TENT2: variants seen among roughly 807,000 people sequenced by gnomAD.
The protein encoded by TENT2 is poly(A) RNA polymerase GLD2.
Under a neutral mutation model 72.2 loss-of-function variants are expected in TENT2, and 44 were observed. The ratio of observed to expected loss-of-function variants is 0.61; its 90% CI spans 0.48 to 0.78. TENT2 has a LOEUF of 0.78. TENT2 is among the 30% of genes least tolerant of loss of function. TENT2 has a pLI of 0.00. For synonymous variants in TENT2, 212 were observed against 192.5 expected, an observed-to-expected ratio of 1.10 and a Z score of -0.84; for missense variants, 541 against 569.6, an observed-to-expected ratio of 0.95 and a Z score of 0.51.
rs138145763 is a variant in TENT2 at position 79,627,335 on chromosome 5, A to G, written c.465+3846A>G. 6.6e-5 allele frequency among the ~76,000 whole-genome samples: 10 copies of G among 152,322 alleles called. No individual in the cohort carries two copies. The South Asian group carries it at 8.3e-4, about 13-fold the overall frequency. ...TTCAATTTCAGTAAATTTAATAACA[A>G]TTCATATTAGTGTCAGCATAAACCA... On this transcript the variant is annotated intron_variant, in intron 4 of 14. Coordinates refer to ENST00000453514, the MANE Select transcript of TENT2 (RefSeq NM_001114394.3).
chr5:79,660,233 A>G (rs1167896097), intron 11 of TENT2, among the ~76,000 whole-genome samples: 31 of 152,148 alleles, frequency 2.0e-4, no homozygotes, highest in Admixed American at 2.0e-3. Context: ...ATAGTATAGA[A>G]TTACTGCTTA....
chr5:79,657,375 C>G (rs899100328), intron 11 of TENT2, among the ~76,000 whole-genome samples: 1 of 151,904 alleles, frequency 6.6e-6, no homozygotes, highest in Admixed American at 6.6e-5. Flanking sequence ...ATTTTTTGGC[C>G]CAGTATATTT....
intron 8 of TENT2, among the ~76,000 whole-genome samples, chr5:79,647,013 T>C (rs10942897): frequency 0.44 from 67,083 of 151,910 alleles, 17,920 homozygotes; most frequent in African/African-American, 0.75. Context: ...AAGCAATCCT[T>C]CTACCTTAGC....
In TENT2 at chr5:79,648,664, A is replaced by G; in HGVS notation, c.869A>G (p.Asn290Ser). ...LNVNNIVGIRNTFLLRTYAYL... is the reference protein window; with the variant it reads ...LNVNNIVGIRSTFLLRTYAYL... ...GTAAACAATATTGTTGGAATAAGAAACACATTCCTTCTCAGAACTTATGCA... is the reference window on the plus strand; with the variant it reads ...GTAAACAATATTGTTGGAATAAGAAGCACATTCCTTCTCAGAACTTATGCA... The change falls in exon 9 of 15, where the codon AAC (asparagine) becomes AGC (serine). Residue 290 changes from asparagine to serine, a missense_variant. Asn to Ser is a conservative substitution (Grantham distance 46, BLOSUM62 1). Transcript: ENST00000453514. 1 of 1,598,170 alleles carries G rather than the reference A, an allele frequency of 6.3e-7. No homozygotes were observed. The highest frequency in any genetic ancestry group is 8.5e-7 in the Non-Finnish European group (1 of 1,172,176).
intron 12 of TENT2, among the ~76,000 whole-genome samples, chr5:79,673,410 G>A (rs1337341083): frequency 6.6e-6 from 1 of 151,908 alleles, no homozygotes. Context: ...TTCTTGTGGT[G>A]GTTTCATAAT....
chr5:79,654,859 A>G (rs951366318), intron 10 of TENT2, among the ~76,000 whole-genome samples: 2 of 152,230 alleles, frequency 1.3e-5, no homozygotes, highest in Admixed American at 6.5e-5. Context: ...TTTAAAATTT[A>G]AATTTTTGGT....
intron 11 of TENT2, among the ~76,000 whole-genome samples, chr5:79,665,602 C>G (rs974018054): frequency 2.0e-5 from 3 of 152,158 alleles, no homozygotes; most frequent in Admixed American, 1.3e-4. Context: ...TCTAAAGGAT[C>G]AACATTTAAA....
intron 4 of TENT2, among the ~76,000 whole-genome samples, chr5:79,633,616 A>G (rs1777455526): frequency 6.6e-6 from 1 of 150,612 alleles, no homozygotes; most frequent in Admixed American, 6.6e-5. Flanking sequence ...GGGTTTCTCC[A>G]TGTTGGTCAG....
intron 12 of TENT2, among the ~76,000 whole-genome samples, 196 bp from the exon 13 acceptor site, chr5:79,679,383 A>G (rs1328445274): frequency 6.6e-6 from 1 of 152,126 alleles, no homozygotes; most frequent in Non-Finnish European, 1.5e-5. Context: ...TGTAAGAAAC[A>G]AATTCTTAGA....
chr5:79,654,956 G>C (rs1796879686), intron 10 of TENT2, among the ~76,000 whole-genome samples: 1 of 152,062 alleles, frequency 6.6e-6, no homozygotes, highest in Non-Finnish European at 1.5e-5. Flanking sequence ...GTAAAATTTT[G>C]TAGATTAGCT....
At chr5:79,622,667 A>G (rs1766049063) in intron 3 of TENT2, among the ~76,000 whole-genome samples, 1 of 152,150 alleles carries the variant, frequency 6.6e-6, no homozygotes, top group Non-Finnish European at 1.5e-5. Flanking sequence ...CTCCTACAAA[A>G]CAAGGCTTTT....
At chr5:79,682,529 C>A (rs1294435304) in intron 14 of TENT2, among the ~76,000 whole-genome samples, 3 of 151,510 alleles carry the variant, frequency 2.0e-5, no homozygotes, top group Non-Finnish European at 4.4e-5. Flanking sequence ...AGGTGATTCA[C>A]CCCCGTCTTC....
chr5:79,659,594 A>ATATATATATG (rs70975771), intron 11 of TENT2, among the ~76,000 whole-genome samples: 1 of 127,578 alleles, frequency 7.8e-6, no homozygotes, highest in African/African-American at 2.9e-5. Context: ...ATATATATAT[A>ATATATATATG]ATAGCCATCG....
At chr5:79,621,089 A>C (rs901278110) in intron 3 of TENT2, among the ~76,000 whole-genome samples, 8 of 146,746 alleles carry the variant, frequency 5.5e-5, no homozygotes, top group African/African-American at 2.1e-4. Flanking sequence ...AAACACTATC[A>C]GTGAACAAGG....
At chr5:79,669,421 C>T (rs1320274495) in intron 12 of TENT2, among the ~76,000 whole-genome samples, 1 of 152,158 alleles carries the variant, frequency 6.6e-6, no homozygotes, top group African/African-American at 2.4e-5. Flanking sequence ...CTATTTAATA[C>T]TTGGCATCTT....
intron 3 of TENT2, among the ~76,000 whole-genome samples, chr5:79,622,167 G>T (rs1037984915): frequency 6.6e-6 from 1 of 152,062 alleles, no homozygotes; most frequent in Non-Finnish European, 1.5e-5. Context: ...TGAGCATCGT[G>T]GCGGGCGCCT....
chr5:79,669,076 G>GTGTA lies in TENT2; in HGVS notation c.1208+58_1208+61dup, dbSNP rs200213732. The GTGTA allele has an allele frequency of 1.2e-3, 1,880 of 1,581,346 alleles. 20 individuals are homozygous for GTGTA. In the African/African-American group the frequency reaches 0.022, roughly 19 times the overall value. On this transcript the variant is annotated intron_variant, in intron 12 of 14. Coordinates refer to ENST00000453514, the MANE Select transcript of TENT2 (RefSeq NM_001114394.3). ...TTTGTTCACTTATATGTGTGTGTGTGTGTATGTATGTATATATATGAATAC... is the reference window on the plus strand; with the variant it reads ...TTTGTTCACTTATATGTGTGTGTGTGTGTATGTATGTATGTATATATATGAATAC...
In TENT2 at chr5:79,673,145, G is replaced by A. The variant is rs1347144547; in HGVS notation, c.1208+4117G>A. Reference sequence around the variant, plus strand: ...TGTCCGTGTTTTAATTGGATTATTAGATTTTTTCCTATAGAGTTGTTTAAG... The same window carrying A: ...TGTCCGTGTTTTAATTGGATTATTAAATTTTTTCCTATAGAGTTGTTTAAG... On this transcript the variant is annotated intron_variant, in intron 12 of 14. Transcript: ENST00000453514. Among the ~76,000 whole-genome samples, 3 of 152,268 alleles carry A rather than the reference G, an allele frequency of 2.0e-5. No individual in the cohort carries two copies. The South Asian group carries it at 6.2e-4, about 32-fold the overall frequency.
intron 4 of TENT2, among the ~76,000 whole-genome samples, chr5:79,627,924 A>G (rs1404134376): frequency 6.6e-6 from 1 of 152,236 alleles, no homozygotes; most frequent in Non-Finnish European, 1.5e-5. Context: ...TAGGCATTCT[A>G]CATATGCTAT....
Sources: allele counts gnomAD v4.1 joint callset (sites outside exome capture counted in the v4.1 genomes callset), GRCh38; gene constraint gnomAD v4.1.1; transcripts MANE v1.5; gene names NCBI Gene and HGNC (gene_info 2026-07-23, HGNC 2026-07-21).